Variants in UNC5C observed in about 807,000 individuals in gnomAD.
UNC5C encodes unc-5 netrin receptor C, also known as netrin receptor UNC5C.
A neutral mutation model predicts 99.8 loss-of-function variants in UNC5C; 47 were observed. The observed-to-expected ratio is 0.47, with a 90% CI of 0.37 to 0.60. UNC5C has a LOEUF of 0.60. Ranked by LOEUF, UNC5C falls within the 20% of genes least tolerant of loss-of-function variation. UNC5C has a pLI of 0.00. For synonymous variants in UNC5C, 487 were observed against 452.2 expected (o/e 1.08, Z -0.98); for missense variants, 1,062 against 1,165.9 (o/e 0.91, Z 1.30).
intron 4 of UNC5C, among the ~76,000 whole-genome samples, chr4:95,271,322 G>T (rs1740655702): frequency 6.6e-6 from 1 of 152,046 alleles, no homozygotes; most frequent in African/African-American, 2.4e-5. Flanking sequence ...CCGCCTCCTG[G>T]GTTCACGCCA....
chr4:95,293,484 A>AT (rs1021635011), intron 3 of UNC5C, among the ~76,000 whole-genome samples: 63 of 150,558 alleles, frequency 4.2e-4, no homozygotes, highest in Admixed American at 1.7e-3. Flanking sequence ...CACTTGGTTA[A>AT]TTTTTTTTGG....
intron 1 of UNC5C, among the ~76,000 whole-genome samples, chr4:95,428,930 C>T (rs998861690): frequency 6.6e-6 from 1 of 152,058 alleles, no homozygotes; most frequent in Non-Finnish European, 1.5e-5. Flanking sequence ...CCAGCACCAC[C>T]CAGATCCTTA....
chr4:95,429,981 A>G (rs1372899196), intron 1 of UNC5C, among the ~76,000 whole-genome samples: 1 of 152,118 alleles, frequency 6.6e-6, no homozygotes, highest in Non-Finnish European at 1.5e-5. Flanking sequence ...CAGTAAAAAG[A>G]TTAGTGGTTG....
chr4:95,409,351 G>T (rs1745914931), intron 1 of UNC5C, among the ~76,000 whole-genome samples: 1 of 152,078 alleles, frequency 6.6e-6, no homozygotes, highest in Non-Finnish European at 1.5e-5. Flanking sequence ...CTCCCAACCT[G>T]CAGACATCAA....
intron 3 of UNC5C, among the ~76,000 whole-genome samples, chr4:95,293,715 G>C (rs1171755606): frequency 1.3e-5 from 2 of 152,100 alleles, no homozygotes; most frequent in African/African-American, 4.8e-5. Context: ...CCAGTGTACT[G>C]GTTAAACACA....
rs201860596 is a variant in UNC5C at position 95,278,392 on chromosome 4, C to G, written c.491-30G>C. Reference sequence around the variant, plus strand: ...AACGTAAAAGTGACAAAATACATGTCAAAATTAAACAACATTTTCTCATTT... The same window carrying G: ...AACGTAAAAGTGACAAAATACATGTGAAAATTAAACAACATTTTCTCATTT... On this transcript the variant is annotated intron_variant, in intron 3 of 15. Coordinates refer to ENST00000453304, the MANE Select transcript of UNC5C (RefSeq NM_003728.4). 2.6e-5 allele frequency: 40 copies of G among 1,549,390 alleles called. No individual in the cohort carries two copies. The East Asian group carries it at 9.0e-4, about 35-fold the overall frequency.
chr4:95,493,152 G>T (rs1578193768), intron 1 of UNC5C, among the ~76,000 whole-genome samples: 1 of 151,500 alleles, frequency 6.6e-6, no homozygotes, highest in South Asian at 2.1e-4. Flanking sequence ...TAAAGATTAT[G>T]AATGCAATAA....
intron 1 of UNC5C, among the ~76,000 whole-genome samples, chr4:95,338,280 C>T (rs754376540): frequency 2.6e-5 from 4 of 152,060 alleles, no homozygotes; most frequent in African/African-American, 9.7e-5. Flanking sequence ...AGCATTAATT[C>T]TCAGATACAG....
At position 95,424,951 on chromosome 4, in the gene UNC5C, C is replaced by T. The variant is rs1294642005; in HGVS notation, c.125-89320G>A. Reference sequence around the variant, plus strand: ...CTGTCTCTACCGGAAGGGAAAGGACCGGACTAGGCTTCAGGAAATTTGAGT... The same window carrying T: ...CTGTCTCTACCGGAAGGGAAAGGACTGGACTAGGCTTCAGGAAATTTGAGT... On this transcript the variant is annotated intron_variant, in intron 1 of 15. Coordinates refer to ENST00000453304, the MANE Select transcript of UNC5C (RefSeq NM_003728.4). Among the ~76,000 whole-genome samples the T allele has an allele frequency of 5.3e-5, 8 of 152,124 alleles. No individual in the cohort carries two copies. In the East Asian group the frequency reaches 1.4e-3, roughly 26 times the overall value.
chr4:95,368,365 C>A (rs905843109), intron 1 of UNC5C, among the ~76,000 whole-genome samples: 19 of 148,382 alleles, frequency 1.3e-4, no homozygotes, highest in African/African-American at 4.4e-4. Context: ...CATTTCACAT[C>A]CCATTATGGC....
chr4:95,507,018 A>T (rs766534559), intron 1 of UNC5C, among the ~76,000 whole-genome samples: 4 of 151,946 alleles, frequency 2.6e-5, no homozygotes, highest in Non-Finnish European at 5.9e-5. Context: ...AATGACTAGA[A>T]ATTGCACTTA....
chr4:95,531,486 C>T (rs1417598020), intron 1 of UNC5C, among the ~76,000 whole-genome samples: 1 of 152,172 alleles, frequency 6.6e-6, no homozygotes, highest in Non-Finnish European at 1.5e-5. Flanking sequence ...TTATAATTTC[C>T]TCTTTGCTAG....
At chr4:95,255,190 G>A (rs1739915984) in intron 4 of UNC5C, among the ~76,000 whole-genome samples, 1 of 151,968 alleles carries the variant, frequency 6.6e-6, no homozygotes, top group Non-Finnish European at 1.5e-5. Context: ...ATGTTGGCCA[G>A]GCTAGTTTCG....
chr4:95,542,940 T>G (rs895393288), intron 1 of UNC5C, among the ~76,000 whole-genome samples: 1 of 152,132 alleles, frequency 6.6e-6, no homozygotes, highest in African/African-American at 2.4e-5. Context: ...ATTATCCCAT[T>G]ACTAAGTTTC....
At chr4:95,354,727 T>G (rs941150545) in intron 1 of UNC5C, among the ~76,000 whole-genome samples, 2 of 151,828 alleles carry the variant, frequency 1.3e-5, no homozygotes, top group African/African-American at 2.4e-5. Context: ...AAGTGATCCT[T>G]CCACCTTGGC....
intron 1 of UNC5C, among the ~76,000 whole-genome samples, chr4:95,383,017 C>T (rs7674643): frequency 0.58 from 88,528 of 151,990 alleles, 26,167 homozygotes; most frequent in East Asian, 0.7. Flanking sequence ...TTGCTTTCCC[C>T]AAATTTCCAT....
rs541561356 is a variant in UNC5C, at chr4:95,336,061, G to T, written c.125-430C>A. On this transcript the variant is annotated intron_variant, in intron 1 of 15. Transcript: ENST00000453304. ...CTCATAGATAAAGCTTACACACTTT[G>T]CAAGGAGCCGAGCAGAAATATTAGA... 3.9e-4 allele frequency among the ~76,000 whole-genome samples: 59 copies of T among 152,026 alleles called. 3 individuals carry two copies. The South Asian group carries it at 0.012, about 31-fold the overall frequency.
chr4:95,394,134 CTT>C (rs1488285681), intron 1 of UNC5C, among the ~76,000 whole-genome samples: 1 of 152,030 alleles, frequency 6.6e-6, no homozygotes, highest in Non-Finnish European at 1.5e-5. Flanking sequence ...TAAATCTACT[CTT>C]TTCTGCAGTA....
rs1031091676 is a variant in UNC5C at position 95,359,617 on chromosome 4, T to C, written c.125-23986A>G. The stretch of plus-strand genomic sequence containing the variant: ...TAAAGCTCCCTGTGTTTTTCCTAGA[T>C]GAAAACTTGGGTTTTGAAACTTTGA... On this transcript the variant is annotated intron_variant, in intron 1 of 15. Coordinates refer to ENST00000453304, the MANE Select transcript of UNC5C (RefSeq NM_003728.4). 5.3e-5 allele frequency among the ~76,000 whole-genome samples: 8 copies of C among 152,108 alleles called. 1 individual carries two copies. The highest frequency in any genetic ancestry group is 1.3e-4 in the Admixed American group (2 of 15,258).
Sources: allele counts gnomAD v4.1 joint callset (sites outside exome capture counted in the v4.1 genomes callset), GRCh38; gene constraint gnomAD v4.1.1; transcripts MANE v1.5; gene names NCBI Gene and HGNC (gene_info 2026-07-23, HGNC 2026-07-21).